Variants in LY9 observed in about 807,000 individuals in gnomAD.
LY9 encodes the protein T-lymphocyte surface antigen Ly-9.
A neutral mutation model predicts 64.6 loss-of-function variants in LY9; 59 were observed. The observed-to-expected ratio is 0.91, with a 90% CI of 0.74 to 1.13. The LOEUF (loss-of-function observed/expected upper bound fraction) is 1.13, where lower values mean the gene tolerates loss of function less well. Ranked by LOEUF, LY9 falls within the 50% of genes most tolerant of loss-of-function variation. LY9 has a pLI of 0.00. For synonymous variants in LY9, 281 were observed against 308.5 expected (o/e 0.91, Z 0.93); for missense variants, 789 against 797.2 (o/e 0.99, Z 0.12).
intron 7 of LY9, among the ~76,000 whole-genome samples, chr1:160,820,647 G>T (rs1488461476): frequency 1.3e-5 from 2 of 151,978 alleles, no homozygotes; most frequent in Non-Finnish European, 2.9e-5. Flanking sequence ...GTGTCCCCCT[G>T]CCTGAACCCT....
At chr1:160,812,366 T>G (rs1210813057) in intron 2 of LY9, 1 of 152,238 alleles carries the variant, frequency 6.6e-6, no homozygotes, top group African/African-American at 2.4e-5. Flanking sequence ...GTGCTAGAGG[T>G]TAAGACTTCA....
Position 160,796,198 on chromosome 1 carries a change from C to T in LY9, c.11C>T (p.Pro4Leu). The T allele has an allele frequency of 6.2e-7, 1 of 1,613,920 alleles. No homozygotes were observed. The highest frequency in any genetic ancestry group is 2.2e-5 in the East Asian group (1 of 44,886). ...TGAAAATAGATCATCATGGTGGCAC[C>T]AAAGAGTCACACAGATGACTGGGCT... is the stretch of plus-strand genomic sequence containing the variant. MVA[P>L]KSHTDDWAPG... Residue 4 changes from proline (P) to leucine (L), a missense_variant, in exon 1 of 10, where the codon CCA (proline) becomes CTA (leucine). By Grantham distance (98) the Pro-to-Leu change is moderately conservative. Transcript: ENST00000263285.
intron 7 of LY9, among the ~76,000 whole-genome samples, chr1:160,820,732 T>C (rs1345670740): frequency 2.0e-5 from 3 of 151,998 alleles, no homozygotes; most frequent in East Asian, 1.9e-4. Flanking sequence ...CCAGAACCCT[T>C]CTTGAACCTC....
At chr1:160,798,605 A>G (rs1344499434) in intron 1 of LY9, among the ~76,000 whole-genome samples, 4 of 152,114 alleles carry the variant, frequency 2.6e-5, no homozygotes, top group African/African-American at 9.7e-5. Context: ...CTAGCCCTGC[A>G]TGCTCCATAG....
At chr1:160,803,554 A>G (rs1666706303) in intron 2 of LY9, among the ~76,000 whole-genome samples, 1 of 152,246 alleles carries the variant, frequency 6.6e-6, no homozygotes, top group Non-Finnish European at 1.5e-5. Flanking sequence ...GCTATTATAA[A>G]CCGGATTCAC....
rs532857785 is a variant in LY9, at chr1:160,818,156, A to G, written c.1343-62A>G. On this transcript the variant is annotated intron_variant, in intron 5 of 9. Transcript: ENST00000263285. ...GTAGGATGGCCATCATGTTCTGTGCATTGTTTGCTCCAGTGTGTCTTGTCA... is the reference window on the plus strand; with the variant it reads ...GTAGGATGGCCATCATGTTCTGTGCGTTGTTTGCTCCAGTGTGTCTTGTCA... 2.2e-5 allele frequency: 24 copies of G among 1,073,188 alleles called. 1 individual carries two copies. In the Admixed American group the frequency reaches 3.4e-4, roughly 15 times the overall value. The allele number at this position is 1,073,188 out of a possible 1,614,324, so 66.5% of individuals were successfully genotyped here. A position where few individuals can be genotyped will look rare whatever the true frequency, so the allele number is the denominator to read the frequency against.
intron 6 of LY9, among the ~76,000 whole-genome samples, chr1:160,818,982 T>C (rs1040865201): frequency 3.9e-5 from 6 of 152,124 alleles, no homozygotes; most frequent in African/African-American, 1.4e-4. Flanking sequence ...AATGAAGTAG[T>C]AGCCAAAAAG....
chr1:160,805,178 A>G (rs894458638), intron 2 of LY9, among the ~76,000 whole-genome samples: 1 of 151,906 alleles, frequency 6.6e-6, no homozygotes, highest in African/African-American at 2.4e-5. Context: ...TAGCTCCTTA[A>G]AGTTCATTGT....
In LY9 at chr1:160,800,893, A is replaced by G. The variant is rs961615575; in HGVS notation, c.454+811A>G. Among the ~76,000 whole-genome samples, 62 of 152,276 alleles carry G rather than the reference A, an allele frequency of 4.1e-4. 1 individual carries two copies. The highest frequency in any genetic ancestry group is 1.4e-3 in the African/African-American group (57 of 41,572). Reference sequence around the variant, plus strand: ...ACATGACTTCATTCTTTTGTGGCTGATTAGTATTCCATGATGTGTATAAAT... The same window carrying G: ...ACATGACTTCATTCTTTTGTGGCTGGTTAGTATTCCATGATGTGTATAAAT... On this transcript the variant is annotated intron_variant, in intron 2 of 9. Coordinates refer to ENST00000263285, the MANE Select transcript of LY9 (RefSeq NM_002348.4).
intron 2 of LY9, among the ~76,000 whole-genome samples, chr1:160,806,193 G>C (rs747219131): frequency 4.6e-5 from 7 of 151,978 alleles, no homozygotes; most frequent in Non-Finnish European, 8.8e-5. Context: ...GATATGTGAA[G>C]CTTTTTCCTG....
intron 4 of LY9, 115 bp from the exon 5 acceptor site, chr1:160,816,479 A>T: frequency 3.3e-6 from 4 of 1,228,756 alleles, no homozygotes; most frequent in Non-Finnish European, 4.5e-6. Flanking sequence ...TCCTGGAGGC[A>T]CTTTGCCGGC....
At position 160,799,747 on chromosome 1, in the gene LY9, C is replaced by T. The variant is rs1387646767; in HGVS notation, c.125-6C>T. The T allele has an allele frequency of 6.2e-7, 1 of 1,600,962 alleles. No homozygotes were observed. The highest frequency in any genetic ancestry group is 8.5e-7 in the Non-Finnish European group (1 of 1,170,266). On this transcript the variant is annotated splice_region_variant and splice_polypyrimidine_tract_variant and intron_variant, in intron 1 of 9. Coordinates refer to ENST00000263285, the MANE Select transcript of LY9 (RefSeq NM_002348.4). ...GCTCCTCCAAGTCCCTCTTCTATCT[C>T]TGCAGGACTAAGAGCCTCTGGAAAG...
chr1:160,815,169 G>A lies in LY9; in HGVS notation c.1072+408G>A, dbSNP rs186110186. 1.2e-4 allele frequency: 21 copies of A among 173,318 alleles called. No individual in the cohort carries two copies. The East Asian group carries it at 1.5e-3, about 13-fold the overall frequency. 10.7% of individuals were successfully genotyped at this position (173,318 alleles called of 1,614,324 possible). On this transcript the variant is annotated intron_variant, in intron 4 of 9. Transcript: ENST00000263285. ...CAGGCTGGCCAACATGGTAAACCCC[G>A]TCTCTACTAAAAACACAAAAATTAG...
intron 2 of LY9, among the ~76,000 whole-genome samples, chr1:160,805,209 T>C (rs1433549472): frequency 6.6e-6 from 1 of 152,146 alleles, no homozygotes; most frequent in Non-Finnish European, 1.5e-5. Flanking sequence ...ATTTGTGATC[T>C]TTATACATTT....
Position 160,804,646 on chromosome 1 carries a change from A to G in LY9, c.454+4564A>G, listed in dbSNP as rs556895476. Reference sequence around the variant, plus strand: ...TCCCCCCACTTTGATTTTTAAGAATAGTTTTAGGAGGATTGATATTAGTTA... The same window carrying G: ...TCCCCCCACTTTGATTTTTAAGAATGGTTTTAGGAGGATTGATATTAGTTA... On this transcript the variant is annotated intron_variant, in intron 2 of 9. Coordinates refer to ENST00000263285, the MANE Select transcript of LY9 (RefSeq NM_002348.4). 3.9e-5 allele frequency among the ~76,000 whole-genome samples: 6 copies of G among 152,272 alleles called. No homozygotes were observed. In the South Asian group the frequency reaches 8.3e-4, roughly 21 times the overall value.
In LY9 at chr1:160,814,745, C is replaced by T; in HGVS notation, c.1056C>T (p.Val352=). The stretch of plus-strand genomic sequence containing the variant: ...CCAGCGTCACCAGCATGACACATGT[C>T]ACCCTGCTCATCTACCGTGAGTCTC... ...EASSVTSMTH[V]TLLIYRRLRK... is the part of the protein sequence containing the mutation. The change falls in exon 4 of 10, where the codon GTC becomes GTT. Residue 352 remains valine (V), a synonymous_variant. Coordinates refer to ENST00000263285, the MANE Select transcript of LY9 (RefSeq NM_002348.4). The T allele has an allele frequency of 6.2e-7, 1 of 1,613,256 alleles. No individual in the cohort carries two copies. The highest frequency in any genetic ancestry group is 8.5e-7 in the Non-Finnish European group (1 of 1,179,534).
rs923859946 is a variant in LY9 at position 160,824,550 on chromosome 1, A to G, written c.1899+301A>G. ...AGGTAGGGTCTTTATAGCTTTTTAA[A>G]TCTATCTCTAACCCTAATCCTAATC... On this transcript the variant is annotated intron_variant, in intron 9 of 9. Coordinates refer to ENST00000263285, the MANE Select transcript of LY9 (RefSeq NM_002348.4). 62 of 985,186 alleles carry G rather than the reference A, an allele frequency of 6.3e-5. 2 individuals are homozygous for G. The South Asian group carries it at 2.7e-3, about 43-fold the overall frequency. 61.0% of individuals were successfully genotyped at this position (985,186 alleles called of 1,614,324 possible).
Position 160,799,915 on chromosome 1 carries a change from T to C in LY9, c.287T>C (p.Val96Ala). ...ALAFARPKEN[V>A]TIMVKSYLGR... ...GCTTTCGCACGTCCCAAAGAAAATG[T>C]AACCATTATGGTCAAAAGCTACCTG... The change falls in exon 2 of 10, where the codon GTA becomes GCA. Residue 96 changes from valine to alanine, a missense_variant. Transcript: ENST00000263285. 2 of 1,613,952 alleles carry C rather than the reference T, an allele frequency of 1.2e-6. No homozygotes were observed. The highest frequency in any genetic ancestry group is 3.3e-5 in the Admixed American group (2 of 60,000).
intron 9 of LY9, among the ~76,000 whole-genome samples, chr1:160,827,179 A>T (rs1668897294): frequency 6.6e-6 from 1 of 152,130 alleles, no homozygotes; most frequent in African/African-American, 2.4e-5. Context: ...CTTATTTCTG[A>T]TATACCTCTC....
Sources: gnomAD v4.1 joint callset for allele counts (sites outside exome capture counted in the v4.1 genomes callset) on GRCh38, gnomAD v4.1.1 for gene constraint, MANE v1.5 for transcripts, NCBI Gene and HGNC (gene_info 2026-07-23, HGNC 2026-07-21) for gene names.